The following DCC variants were observed in gnomAD, a reference collection of about 807,000 sequenced individuals.
The protein encoded by DCC is DCC netrin 1 receptor.
A neutral mutation model predicts 172.5 loss-of-function variants in DCC; 58 were observed. The observed-to-expected ratio is 0.34, with a 90% CI of 0.27 to 0.42. The LOEUF (loss-of-function observed/expected upper bound fraction) is 0.42. DCC is among the 10% of genes least tolerant of loss of function. The pLI is 1.00. For synonymous variants in DCC, 709 were observed against 644.5 expected (o/e 1.10, Z -1.52); for missense variants, 1,740 against 1,791.0 (o/e 0.97, Z 0.51).
intron 1 of DCC, among the ~76,000 whole-genome samples, chr18:52,678,765 C>T (rs1328158521): frequency 2.6e-5 from 4 of 152,198 alleles, no homozygotes; most frequent in Non-Finnish European, 4.4e-5. Context: ...ACTAGGAAAC[C>T]GGTTCTGGGC....
intron 7 of DCC, among the ~76,000 whole-genome samples, chr18:53,107,521 CAAAAAAAAAAAAAAGGAAGGAAA>C (rs1370372397): frequency 1.2e-5 from 1 of 85,748 alleles, no homozygotes; most frequent in African/African-American, 4.1e-5. Flanking sequence ...AACTTTGATC[CAAAAAAAAAAAAAAGGAAGGAAA>C]AAAAAAAAAA....
At chr18:52,497,280 A>AAAAAAAAAAT (rs1555689730) in intron 1 of DCC, among the ~76,000 whole-genome samples, 3 of 21,572 alleles carry the variant, frequency 1.4e-4, no homozygotes, top group Non-Finnish European at 3.2e-4. Context: ...AAAAAAAAAA[A>AAAAAAAAAAT]ATATATATAT....
intron 25 of DCC, 36 bp from the exon 26 acceptor site, chr18:53,486,761 A>C: frequency 6.2e-7 from 1 of 1,614,074 alleles, no homozygotes. Flanking sequence ...TGAATACATA[A>C]GGTTCAAAAA....
intron 1 of DCC, among the ~76,000 whole-genome samples, chr18:52,725,503 C>A (rs372805306): frequency 1.3e-5 from 2 of 152,146 alleles, no homozygotes; most frequent in Non-Finnish European, 2.9e-5. Context: ...CTGTGCCATG[C>A]GGGCTGCCAC....
At chr18:52,926,847 A>T (rs1286158941) in intron 5 of DCC, among the ~76,000 whole-genome samples, 2 of 145,908 alleles carry the variant, frequency 1.4e-5, no homozygotes, top group African/African-American at 5.0e-5. Flanking sequence ...ACACACACAC[A>T]TATACGTGTG....
chr18:52,680,599 G>A (rs2035731693), intron 1 of DCC, among the ~76,000 whole-genome samples: 1 of 152,036 alleles, frequency 6.6e-6, no homozygotes, highest in Non-Finnish European at 1.5e-5. Context: ...GCTCCATCAA[G>A]GAAGAGAGGT....
chr18:53,178,895 C>A, intron 8 of DCC, 67 bp from the exon 9 acceptor site: 1 of 1,580,008 alleles, frequency 6.3e-7, no homozygotes, highest in South Asian at 1.1e-5. Context: ...TCTTGCACAT[C>A]AAATACAGAT....
chr18:52,848,591 T>C (rs552766720), intron 2 of DCC, among the ~76,000 whole-genome samples: 1 of 152,342 alleles, frequency 6.6e-6, no homozygotes, highest in East Asian at 1.9e-4. Flanking sequence ...ATTGGAGTAA[T>C]GGCTTTGGAG....
chr18:52,856,749 T>C (rs553406327), intron 2 of DCC, among the ~76,000 whole-genome samples: 1 of 152,326 alleles, frequency 6.6e-6, no homozygotes, highest in South Asian at 2.1e-4. Context: ...CTGAAACGTC[T>C]GTTTTTTGAA....
intron 5 of DCC, among the ~76,000 whole-genome samples, chr18:53,027,237 G>A (rs768602176): frequency 2.6e-4 from 39 of 152,186 alleles, no homozygotes; most frequent in Non-Finnish European, 5.1e-4. Context: ...GAGATATCTG[G>A]TTCCTGTTTT....
chr18:53,111,862 GT>G, intron 7 of DCC, among the ~76,000 whole-genome samples: 1 of 151,728 alleles, frequency 6.6e-6, no homozygotes. Context: ...TATTTTAGTT[GT>G]TTTGCAATTT....
intron 23 of DCC, among the ~76,000 whole-genome samples, chr18:53,455,306 G>A (rs532606520): frequency 3.3e-5 from 5 of 152,214 alleles, no homozygotes; most frequent in African/African-American, 1.2e-4. Context: ...AGTCCGTAGT[G>A]GAAATTTAAT....
chr18:53,140,459 G>T (rs1230683135), intron 7 of DCC, among the ~76,000 whole-genome samples: 2 of 152,128 alleles, frequency 1.3e-5, no homozygotes, highest in South Asian at 2.1e-4. Flanking sequence ...AATATTGCAG[G>T]TGTCTTCATC....
chr18:52,713,067 C>T (rs1452658599), intron 1 of DCC, among the ~76,000 whole-genome samples: 1 of 152,194 alleles, frequency 6.6e-6, no homozygotes, highest in Non-Finnish European at 1.5e-5. Context: ...TACAAAACCA[C>T]TTTAGTGCCT....
intron 1 of DCC, among the ~76,000 whole-genome samples, chr18:52,598,715 T>C (rs1459847481): frequency 6.6e-6 from 1 of 152,172 alleles, no homozygotes; most frequent in East Asian, 1.9e-4. Flanking sequence ...TCTCAGTCTG[T>C]TTTGTGCTGC....
At chr18:52,979,048 T>A (rs960126659) in intron 5 of DCC, among the ~76,000 whole-genome samples, 6 of 152,138 alleles carry the variant, frequency 3.9e-5, no homozygotes, top group African/African-American at 1.2e-4. Flanking sequence ...GATAGGACTT[T>A]TGGAAATGTG....
At chr18:52,570,653 A>G (rs755937049) in intron 1 of DCC, among the ~76,000 whole-genome samples, 20 of 152,340 alleles carry the variant, frequency 1.3e-4, no homozygotes, top group Admixed American at 3.9e-4. Context: ...TATGATGTTT[A>G]GAATGGATTT....
At chr18:52,888,691 C>T (rs1027900777) in intron 2 of DCC, among the ~76,000 whole-genome samples, 1 of 151,798 alleles carries the variant, frequency 6.6e-6, no homozygotes, top group Non-Finnish European at 1.5e-5. Context: ...TACTTTTTAA[C>T]AACAAAAAAC....
chr18:52,443,805 T>C (rs761373568), intron 1 of DCC, among the ~76,000 whole-genome samples: 3 of 152,156 alleles, frequency 2.0e-5, no homozygotes, highest in Non-Finnish European at 2.9e-5. Context: ...AGATTGTAAA[T>C]GGGTGAAGTC....
Sources: allele counts gnomAD v4.1 joint callset (sites outside exome capture counted in the v4.1 genomes callset), GRCh38; gene constraint gnomAD v4.1.1; transcripts MANE v1.5; gene names NCBI Gene and HGNC (gene_info 2026-07-23, HGNC 2026-07-21).